Variants in FRK observed in about 807,000 individuals in gnomAD.
The protein encoded by FRK is fyn related Src family tyrosine kinase, also known as tyrosine-protein kinase FRK.
A neutral mutation model predicts 56.4 loss-of-function variants in FRK; 51 were observed. The ratio of observed to expected loss-of-function variants is 0.90; its 90% CI spans 0.72 to 1.14. FRK has a LOEUF of 1.14. FRK is among the 50% of genes most tolerant of loss of function. The probability of loss-of-function intolerance (pLI) is 0.00; values close to 1 mark genes in which losing one functional copy is unlikely to be tolerated. For missense variants in FRK, 570 were observed against 601.4 expected (o/e 0.95, Z 0.55); for synonymous variants, 245 against 217.9 (o/e 1.12, Z -1.10).
rs1172489214 is a variant in FRK at position 115,938,192 on chromosome 6, CT to C, written c.*4221del. 1 of 152,170 alleles carries C rather than the reference CT, an allele frequency of 6.6e-6. No homozygotes were observed. The highest frequency in any genetic ancestry group is 2.4e-5 in the African/African-American group (1 of 41,428). 9.4% of individuals were successfully genotyped at this position (152,170 alleles called of 1,614,324 possible). A position where few individuals can be genotyped will look rare whatever the true frequency, so the allele number is the denominator to read the frequency against. On this transcript the variant is annotated 3_prime_UTR_variant, in exon 8 of 8. Coordinates refer to ENST00000606080, the MANE Select transcript of FRK (RefSeq NM_002031.3). ...AAACTGACAGAAAACCTAACAACTA[CT>C]TGGAAACTGAACAACCTGCTCCTGA...
At chr6:116,024,840 C>A (rs942836047) in intron 1 of FRK, among the ~76,000 whole-genome samples, 1 of 152,170 alleles carries the variant, frequency 6.6e-6, no homozygotes, top group Non-Finnish European at 1.5e-5. Context: ...GGAATCACCA[C>A]ACTGACTTCC....
chr6:116,070,330 T>C, the FRK span, among the ~76,000 whole-genome samples: 1 of 152,044 alleles, frequency 6.6e-6, no homozygotes, highest in Non-Finnish European at 1.5e-5. Flanking sequence ...GGGGGCTGCA[T>C]GGGTAAAGAA....
intron 5 of FRK, among the ~76,000 whole-genome samples, chr6:115,947,644 T>C (rs1772522455): frequency 1.3e-5 from 2 of 152,110 alleles, no homozygotes; most frequent in Admixed American, 1.3e-4. Context: ...ATCCCTGTAT[T>C]ACCCTTTAGA....
intron 5 of FRK, among the ~76,000 whole-genome samples, chr6:115,954,845 T>C (rs893619393): frequency 2.0e-5 from 3 of 152,132 alleles, no homozygotes; most frequent in Non-Finnish European, 4.4e-5. Context: ...GTGAGATTAG[T>C]CTCATCCCCT....
intron 2 of FRK, among the ~76,000 whole-genome samples, chr6:115,985,945 A>G (rs1011341403): frequency 2.4e-5 from 2 of 82,360 alleles, no homozygotes; most frequent in African/African-American, 7.3e-5. Flanking sequence ...TATTATACAT[A>G]TATTTTATAG....
At chr6:116,083,419 G>A in the FRK span, among the ~76,000 whole-genome samples, 1 of 152,126 alleles carries the variant, frequency 6.6e-6, no homozygotes, top group Non-Finnish European at 1.5e-5. Context: ...TTTGTATGAT[G>A]GTGAGAATGA....
At chr6:115,959,359 T>C (rs572612937) in intron 4 of FRK, among the ~76,000 whole-genome samples, 239 of 152,186 alleles carry the variant, frequency 1.6e-3, no homozygotes, top group Non-Finnish European at 2.9e-3. Flanking sequence ...GTCTTTTGAC[T>C]TCCCAAAGGG....
rs986725284 is a variant in FRK, at chr6:115,934,769, C to T, written c.*7645G>A. 1.7e-4 allele frequency: 26 copies of T among 152,156 alleles called. 1 individual carries two copies. Among genetic ancestry groups the T allele is most frequent in the African/African-American group, 6.3e-4 (26 of 41,418 alleles). The allele number at this position is 152,156 out of a possible 1,614,324, so 9.4% of individuals were successfully genotyped here. A position where few individuals can be genotyped will look rare whatever the true frequency, so the allele number is the denominator to read the frequency against. On this transcript the variant is annotated 3_prime_UTR_variant, in exon 8 of 8. Transcript: ENST00000606080. ...GGCTTGTTTCATTCCTATTGCTTTA[C>T]ACTGGAAGATCTTTGAATATATATT...
intron 1 of FRK, among the ~76,000 whole-genome samples, chr6:116,037,119 TAC>T: frequency 6.6e-6 from 1 of 152,306 alleles, no homozygotes; most frequent in East Asian, 1.9e-4. Flanking sequence ...GCTGTTAACT[TAC>T]TCTAATACCC....
intron 1 of FRK, among the ~76,000 whole-genome samples, chr6:116,041,617 C>T (rs956130498): frequency 2.6e-5 from 4 of 152,048 alleles, no homozygotes; most frequent in Admixed American, 6.6e-5. Context: ...AAGAATGAGG[C>T]GTCGCCTCAC....
intron 1 of FRK, among the ~76,000 whole-genome samples, chr6:116,018,091 T>C (rs1775718478): frequency 6.6e-6 from 1 of 152,210 alleles, no homozygotes; most frequent in Non-Finnish European, 1.5e-5. Flanking sequence ...TTTTCCCTTA[T>C]GTCTAGGGCC....
At chr6:116,045,756 C>G (rs1333740788) in intron 1 of FRK, among the ~76,000 whole-genome samples, 4 of 152,002 alleles carry the variant, frequency 2.6e-5, no homozygotes, top group Non-Finnish European at 5.9e-5. Context: ...ACTAAAACAC[C>G]AAAAGCAATG....
chr6:116,072,176 T>C, the FRK span, among the ~76,000 whole-genome samples: 1 of 152,156 alleles, frequency 6.6e-6, no homozygotes, highest in Admixed American at 6.6e-5. Flanking sequence ...ATAAGAGGAC[T>C]ATTGCACTCT....
chr6:116,004,092 A>C lies in FRK; in HGVS notation c.345-94T>G, dbSNP rs187351459. 936 of 1,121,908 alleles carry C rather than the reference A, an allele frequency of 8.3e-4. 1 individual carries two copies. The highest frequency in any genetic ancestry group is 2.8e-3 in the Admixed American group (122 of 43,934). 69.5% of individuals were successfully genotyped at this position (1,121,908 alleles called of 1,614,324 possible). Reference sequence around the variant, plus strand: ...GCAAGATAGTATTCTAATATCAAAAATGTTTGGTATTCTTTAGTAAAACTA... The same window carrying C: ...GCAAGATAGTATTCTAATATCAAAACTGTTTGGTATTCTTTAGTAAAACTA... On this transcript the variant is annotated intron_variant, in intron 1 of 7. Transcript: ENST00000606080.
At chr6:116,069,773 TTTGGGC>T in the FRK span, among the ~76,000 whole-genome samples, 1 of 152,084 alleles carries the variant, frequency 6.6e-6, no homozygotes, top group South Asian at 2.1e-4. Context: ...TCCTTGGGGA[TTTGGGC>T]TTCCTCCTGT....
the FRK span, among the ~76,000 whole-genome samples, chr6:116,092,061 CCT>C: frequency 6.6e-6 from 1 of 152,146 alleles, no homozygotes; most frequent in Non-Finnish European, 1.5e-5. Context: ...AAAACCACTC[CCT>C]GTCTCTGGTG....
the FRK span, among the ~76,000 whole-genome samples, chr6:116,086,246 T>C: frequency 6.6e-6 from 1 of 152,168 alleles, no homozygotes; most frequent in Admixed American, 6.5e-5. Context: ...AAGTACTATT[T>C]TCCAACAGTC....
At chr6:116,034,165 G>A (rs967959549) in intron 1 of FRK, among the ~76,000 whole-genome samples, 5 of 151,988 alleles carry the variant, frequency 3.3e-5, no homozygotes, top group Admixed American at 6.6e-5. Flanking sequence ...TAGACAGAAG[G>A]AATAAGTTAT....
intron 1 of FRK, among the ~76,000 whole-genome samples, chr6:116,011,506 A>C (rs1213978111): frequency 1.3e-5 from 2 of 152,092 alleles, no homozygotes; most frequent in African/African-American, 4.8e-5. Flanking sequence ...AAAATGCAGA[A>C]AGGAAACTGG....
Sources: gnomAD v4.1 joint callset for allele counts (sites outside exome capture counted in the v4.1 genomes callset) on GRCh38, gnomAD v4.1.1 for gene constraint, MANE v1.5 for transcripts, NCBI Gene and HGNC (gene_info 2026-07-23, HGNC 2026-07-21) for gene names.